ACTR3: variants seen among roughly 807,000 people sequenced by gnomAD.
ACTR3 encodes the protein actin-related protein 3.
A neutral mutation model predicts 56.8 loss-of-function variants in ACTR3; 12 were observed. The observed-to-expected ratio is 0.21, with a 90% CI of 0.14 to 0.34. The LOEUF is 0.34. Ranked by LOEUF, ACTR3 falls within the 10% of genes least tolerant of loss-of-function variation. The probability of loss-of-function intolerance (pLI) is 1.00; values close to 1 mark genes in which losing one functional copy is unlikely to be tolerated. For missense variants in ACTR3, 282 were observed against 512.5 expected (o/e 0.55, Z 4.34); for synonymous variants, 162 against 167.4 (o/e 0.97, Z 0.25).
chr2:113,956,778 C>T (rs1274500793), intron 11 of ACTR3, among the ~76,000 whole-genome samples: 1 of 152,068 alleles, frequency 6.6e-6, no homozygotes, highest in African/African-American at 2.4e-5. Flanking sequence ...AAACCATTTC[C>T]AACATAAGAG....
chr2:113,937,005 C>T (rs1368091617), intron 6 of ACTR3, among the ~76,000 whole-genome samples: 24 of 152,108 alleles, frequency 1.6e-4, no homozygotes, highest in Non-Finnish European at 1.5e-5. Flanking sequence ...TACCCTATCT[C>T]CAAAAAACAG....
chr2:113,914,382 G>A (rs1293934552), intron 2 of ACTR3, among the ~76,000 whole-genome samples: 1 of 152,148 alleles, frequency 6.6e-6, no homozygotes, highest in African/African-American at 2.4e-5. Flanking sequence ...GGAGGCCGAG[G>A]CGGGCAGATC....
At chr2:113,954,891 G>C (rs1434536858) in intron 10 of ACTR3, 1 of 151,992 alleles carries the variant, frequency 6.6e-6, no homozygotes, top group Non-Finnish European at 1.5e-5. Flanking sequence ...CTAGGGGTGT[G>C]TGTGTGTTTA....
At chr2:113,942,608 G>A (rs1444986000) in intron 8 of ACTR3, among the ~76,000 whole-genome samples, 1 of 151,870 alleles carries the variant, frequency 6.6e-6, no homozygotes, top group Non-Finnish European at 1.5e-5. Context: ...TTATGGGGGG[G>A]TCATGAAAAG....
rs1323322141 is a variant in ACTR3, at chr2:113,949,393, AG to A, written c.859-2085del. On this transcript the variant is annotated intron_variant, in intron 8 of 11. Coordinates refer to ENST00000263238, the MANE Select transcript of ACTR3 (RefSeq NM_005721.5). The stretch of plus-strand genomic sequence containing the variant: ...ACTCGGTCTCAAAAAAAAAAAAAAA[AG>A]AAAAAAAAAAAGAAAAAATTGACAC... Among the ~76,000 whole-genome samples, 212 of 129,998 alleles carry A rather than the reference AG, an allele frequency of 1.6e-3. 1 individual carries two copies. Among genetic ancestry groups the A allele is most frequent in the African/African-American group, 8.0e-3 (194 of 24,274 alleles). 85.3% of individuals were successfully genotyped at this position (129,998 alleles called of 152,430 possible).
intron 3 of ACTR3, among the ~76,000 whole-genome samples, chr2:113,921,255 C>T (rs763111769): frequency 4.7e-5 from 7 of 148,866 alleles, no homozygotes; most frequent in African/African-American, 1.2e-4. Context: ...ATTTGTTGGC[C>T]GTTGATGTGA....
chr2:113,928,141 A>G lies in ACTR3; in HGVS notation c.336+686A>G, dbSNP rs148377210. On this transcript the variant is annotated intron_variant, in intron 4 of 11. Transcript: ENST00000263238. The stretch of plus-strand genomic sequence containing the variant: ...TTCTCTCCCTCAACACAAAATACCT[A>G]TCCTTTCCCACTCCTCGCATTGTAG... Among the ~76,000 whole-genome samples the G allele has an allele frequency of 4.9e-4, 74 of 152,254 alleles. 1 individual carries two copies. In the East Asian group the frequency reaches 0.012, roughly 25 times the overall value.
chr2:113,950,530 G>T lies in ACTR3; in HGVS notation c.859-949G>T, dbSNP rs139099234. On this transcript the variant is annotated intron_variant, in intron 8 of 11. Transcript: ENST00000263238. ...ATGAATAACCATATTTTGATTTGGG[G>T]AGTAACAAATATGTTTTAGCGATTA... is the stretch of plus-strand genomic sequence containing the variant. 5.8e-3 allele frequency among the ~76,000 whole-genome samples: 881 copies of T among 152,302 alleles called. 5 individuals are homozygous for T. The highest frequency in any genetic ancestry group is 0.017 in the Middle Eastern group (5 of 294).
chr2:113,938,616 A>G (rs1679869665), intron 6 of ACTR3, among the ~76,000 whole-genome samples: 1 of 152,146 alleles, frequency 6.6e-6, no homozygotes, highest in Non-Finnish European at 1.5e-5. Context: ...AACTTTGGCT[A>G]GTGGGATCAG....
chr2:113,928,589 TA>T (rs1679660722), intron 4 of ACTR3, among the ~76,000 whole-genome samples: 1 of 152,166 alleles, frequency 6.6e-6, no homozygotes, highest in African/African-American at 2.4e-5. Flanking sequence ...TGAGGAAACT[TA>T]ATGAGAACTT....
chr2:113,944,848 A>G (rs1022146230), intron 8 of ACTR3, among the ~76,000 whole-genome samples: 14 of 152,204 alleles, frequency 9.2e-5, no homozygotes, highest in African/African-American at 3.1e-4. Flanking sequence ...GTACATATTA[A>G]TAGTATGGGG....
At chr2:113,904,513 T>A (rs1679158161) in intron 1 of ACTR3, 1 of 152,238 alleles carries the variant, frequency 6.6e-6, no homozygotes, top group Non-Finnish European at 1.5e-5. Flanking sequence ...AACATTTGTT[T>A]TTCTTCCAGT....
At chr2:113,931,469 ACT>A in intron 5 of ACTR3, 73 bp downstream of exon 5, 1 of 952,432 alleles carries the variant, frequency 1.0e-6, no homozygotes, top group Non-Finnish European at 1.5e-6. Context: ...TAAAATACGT[ACT>A]TTTTTTTTTT....
At chr2:113,952,753 A>G (rs1234183897) in intron 10 of ACTR3, 4 of 152,244 alleles carry the variant, frequency 2.6e-5, no homozygotes, top group African/African-American at 7.2e-5. Context: ...CTCTGTCCCT[A>G]TAATGTCATG....
At chr2:113,929,388 G>T (rs925041442) in intron 4 of ACTR3, among the ~76,000 whole-genome samples, 3 of 151,812 alleles carry the variant, frequency 2.0e-5, no homozygotes, top group African/African-American at 7.3e-5. Context: ...TGATCCTCCC[G>T]CCATGGCCTC....
At chr2:113,940,179 TAGA>T (rs1231191525) in intron 7 of ACTR3, 77 bp downstream of exon 7, 44 of 1,276,754 alleles carry the variant, frequency 3.4e-5, no homozygotes, top group African/African-American at 9.1e-5. Context: ...AAATTTTTAA[TAGA>T]AGAAGAGTAC....
intron 2 of ACTR3, among the ~76,000 whole-genome samples, chr2:113,914,485 C>T (rs1392145970): frequency 1.3e-5 from 2 of 151,932 alleles, no homozygotes; most frequent in African/African-American, 2.4e-5. Context: ...GTGGTGCACA[C>T]CTGTAGTCCC....
Position 113,913,209 on chromosome 2 carries a change from C to G in ACTR3, c.82C>G (p.Gln28Glu). Reference sequence around the variant, plus strand: ...AGGATATGCTGGAAATACAGAACCACAGTTTATCATCCCTTCCTGTAAGTA... The same window carrying G: ...AGGATATGCTGGAAATACAGAACCAGAGTTTATCATCCCTTCCTGTAAGTA... ...KLGYAGNTEP[Q>E]FIIPSCIAIK... Residue 28 changes from glutamine to glutamate, a missense_variant, in exon 2 of 12, where the codon CAG becomes GAG. Physicochemically the swap from Gln to Glu is conservative, Grantham distance 29. Transcript: ENST00000263238. 1 of 1,594,118 alleles carries G rather than the reference C, an allele frequency of 6.3e-7. No individual in the cohort carries two copies. Among genetic ancestry groups the G allele is most frequent in the Non-Finnish European group, 8.5e-7 (1 of 1,170,606 alleles).
chr2:113,956,743 G>C (rs144061391), intron 11 of ACTR3, among the ~76,000 whole-genome samples: 6 of 152,278 alleles, frequency 3.9e-5, no homozygotes, highest in African/African-American at 1.4e-4. Context: ...CTGAATTATT[G>C]AATAACTGTA....
Sources: gnomAD v4.1 joint callset for allele counts (sites outside exome capture counted in the v4.1 genomes callset) on GRCh38, gnomAD v4.1.1 for gene constraint, MANE v1.5 for transcripts, NCBI Gene and HGNC (gene_info 2026-07-23, HGNC 2026-07-21) for gene names.